Variants in ME3 observed in about 807,000 individuals in gnomAD.
ME3 encodes NADP-dependent malic enzyme, mitochondrial.
In ME3, 48 loss-of-function variants were observed where a neutral mutation model predicts 68.9. That is an observed-to-expected ratio of 0.70 (90% CI 0.55 to 0.89). The LOEUF is 0.89. Ranked by LOEUF, ME3 falls within the 40% of genes least tolerant of loss-of-function variation. The pLI, the probability that ME3 is intolerant of heterozygous loss-of-function variation, is 0.00. For missense variants in ME3, 675 were observed against 797.4 expected, an observed-to-expected ratio of 0.85 and a Z score of 1.85; for synonymous variants, 320 against 318.8, an observed-to-expected ratio of 1.00 and a Z score of -0.04.
chr11:86,518,282 G>A (rs1184564645), intron 4 of ME3, among the ~76,000 whole-genome samples: 2 of 152,206 alleles, frequency 1.3e-5, no homozygotes. Flanking sequence ...CTATGATAAA[G>A]ATTCCTCTGG....
Position 86,603,710 on chromosome 11 carries a change from G to A in ME3, c.184-43887C>T, listed in dbSNP as rs565199132. On this transcript the variant is annotated intron_variant, in intron 2 of 14. Coordinates refer to ENST00000543262, the Ensembl canonical transcript of ME3. ...GGAACCAACCCAAATGTCCAACAATGATAGACTAGATTAAGAAAATGTGGC... is the reference window on the plus strand; with the variant it reads ...GGAACCAACCCAAATGTCCAACAATAATAGACTAGATTAAGAAAATGTGGC... Among the ~76,000 whole-genome samples, 12 of 152,040 alleles carry A rather than the reference G, an allele frequency of 7.9e-5. No homozygotes were observed. In the South Asian group the frequency reaches 2.5e-3, roughly 32 times the overall value.
chr11:86,577,532 C>G (rs1958183490), intron 2 of ME3, among the ~76,000 whole-genome samples: 1 of 152,194 alleles, frequency 6.6e-6, no homozygotes, highest in Non-Finnish European at 1.5e-5. Flanking sequence ...CACACAGCTC[C>G]TAAAACCTCA....
intron 2 of ME3, among the ~76,000 whole-genome samples, chr11:86,643,516 G>A (rs1408241164): frequency 6.6e-6 from 1 of 151,932 alleles, no homozygotes; most frequent in Non-Finnish European, 1.5e-5. Flanking sequence ...AATCACCCTT[G>A]GAAAGAGGTT....
chr11:86,612,699 T>C (rs1046894486), intron 2 of ME3, among the ~76,000 whole-genome samples: 24 of 152,102 alleles, frequency 1.6e-4, no homozygotes, highest in Middle Eastern at 3.2e-3. Context: ...TTGTTGGCCA[T>C]GTAAATGTCT....
intron 2 of ME3, among the ~76,000 whole-genome samples, chr11:86,662,548 G>GCTGC (rs1288288863): frequency 1.3e-5 from 2 of 152,148 alleles, no homozygotes; most frequent in African/African-American, 4.8e-5. Context: ...AGTGAACTAT[G>GCTGC]ATTGTGCCAC....
At chr11:86,583,510 G>T (rs1357848796) in intron 2 of ME3, among the ~76,000 whole-genome samples, 1 of 152,030 alleles carries the variant, frequency 6.6e-6, no homozygotes, top group Non-Finnish European at 1.5e-5. Flanking sequence ...GAAAAACAAA[G>T]GTTCATTTTC....
intron 2 of ME3, among the ~76,000 whole-genome samples, chr11:86,586,972 G>T (rs915743308): frequency 6.6e-6 from 1 of 152,190 alleles, no homozygotes; most frequent in Non-Finnish European, 1.5e-5. Flanking sequence ...GGTGGAGAAT[G>T]GAAGTGGCAA....
At chr11:86,597,092 T>G (rs1008282039) in intron 2 of ME3, among the ~76,000 whole-genome samples, 1 of 152,232 alleles carries the variant, frequency 6.6e-6, no homozygotes, top group Non-Finnish European at 1.5e-5. Context: ...ATGGAAGTGC[T>G]GTAAGCAGAT....
intron 3 of ME3, among the ~76,000 whole-genome samples, chr11:86,558,304 G>C (rs190256832): frequency 7.2e-5 from 11 of 152,302 alleles, no homozygotes; most frequent in Admixed American, 7.2e-4. Context: ...CCTGTTAGTT[G>C]ATTTCATTGT....
intron 4 of ME3, among the ~76,000 whole-genome samples, chr11:86,546,052 C>G (rs1002745787): frequency 9.9e-5 from 15 of 152,150 alleles, no homozygotes; most frequent in African/African-American, 3.6e-4. Context: ...CTGACAAAAA[C>G]AAGCAATGGG....
chr11:86,545,248 A>G (rs1419328144), intron 4 of ME3, among the ~76,000 whole-genome samples: 5 of 152,238 alleles, frequency 3.3e-5, no homozygotes, highest in African/African-American at 1.2e-4. Context: ...ATTCCCTTTG[A>G]AAACTGGCAC....
intron 5 of ME3, among the ~76,000 whole-genome samples, chr11:86,502,211 C>T (rs1952770998): frequency 6.6e-6 from 1 of 152,212 alleles, no homozygotes; most frequent in Non-Finnish European, 1.5e-5. Flanking sequence ...ACCACCCTTG[C>T]ATGTTTCAAG....
In ME3 at chr11:86,593,898, T is replaced by C. The variant is rs908782350; in HGVS notation, c.184-34075A>G. ...TGTTTTATATAATTGTTTCCAAACT[T>C]CCACAATTATGAATTATGCTGTAAT... On this transcript the variant is annotated intron_variant, in intron 2 of 14. Coordinates refer to ENST00000543262, the Ensembl canonical transcript of ME3. 3.4e-5 allele frequency among the ~76,000 whole-genome samples: 5 copies of C among 146,668 alleles called. No homozygotes were observed. In the East Asian group the frequency reaches 1.2e-3, roughly 34 times the overall value.
chr11:86,600,291 G>A (rs1158265793), intron 2 of ME3, among the ~76,000 whole-genome samples: 1 of 152,044 alleles, frequency 6.6e-6, no homozygotes, highest in East Asian at 1.9e-4. Context: ...AAAAAGGCAG[G>A]GGTTGCAATC....
chr11:86,566,496 T>C (rs1344390968), intron 2 of ME3, among the ~76,000 whole-genome samples: 1 of 152,156 alleles, frequency 6.6e-6, no homozygotes, highest in African/African-American at 2.4e-5. Flanking sequence ...TTACTAACCA[T>C]AGGGAGATCC....
At chr11:86,622,145 G>C (rs1043424599) in intron 2 of ME3, among the ~76,000 whole-genome samples, 1 of 151,992 alleles carries the variant, frequency 6.6e-6, no homozygotes. Context: ...GGAAGGATGC[G>C]TTCCAGATAC....
chr11:86,603,766 TA>T (rs1284455935), intron 2 of ME3, among the ~76,000 whole-genome samples: 1 of 151,700 alleles, frequency 6.6e-6, no homozygotes, highest in African/African-American at 2.4e-5. Flanking sequence ...TATGCAGCCA[TA>T]AAAAATGATG....
intron 2 of ME3, among the ~76,000 whole-genome samples, chr11:86,584,735 A>G (rs1414831286): frequency 1.3e-5 from 2 of 152,222 alleles, no homozygotes. Context: ...TGAGGTATCT[A>G]AAATAATCCT....
chr11:86,600,784 C>G (rs1179688278), intron 2 of ME3, among the ~76,000 whole-genome samples: 10 of 151,846 alleles, frequency 6.6e-5, no homozygotes, highest in Admixed American at 5.3e-4. Context: ...AACTAGAACT[C>G]AGGATTAAGA....
Sources: allele counts gnomAD v4.1 joint callset (sites outside exome capture counted in the v4.1 genomes callset), GRCh38; gene constraint gnomAD v4.1.1; transcripts MANE v1.5; gene names NCBI Gene and HGNC (gene_info 2026-07-23, HGNC 2026-07-21).